DEF8: variants seen among roughly 807,000 people sequenced by gnomAD.
The protein encoded by DEF8 is DEF-8.
A neutral mutation model predicts 59.1 loss-of-function variants in DEF8; 38 were observed. The ratio of observed to expected loss-of-function variants is 0.64; its 90% CI spans 0.50 to 0.84. The LOEUF is 0.84. Among genes scored for constraint, DEF8 ranks in the 40% least tolerant of loss-of-function variants. The probability of loss-of-function intolerance (pLI) is 0.00; values close to 1 mark genes in which losing one functional copy is unlikely to be tolerated. For missense variants in DEF8, 557 were observed against 615.2 expected (o/e 0.91, Z 1.00); for synonymous variants, 265 against 250.1 (o/e 1.06, Z -0.56).
rs1453566779 is a variant in DEF8 at position 89,967,951 on chromosome 16, T to A, written c.*1988T>A. On this transcript the variant is annotated 3_prime_UTR_variant, in exon 13 of 13. Transcript: ENST00000563594. ...GGAAGAGCCCGGTGCCGCCAGCACC[T>A]TGTGGAAGACCACACATGGGTGGTC... 1 of 152,642 alleles carries A rather than the reference T, an allele frequency of 6.6e-6. No homozygotes were observed. The highest frequency in any genetic ancestry group is 1.5e-5 in the Non-Finnish European group (1 of 68,322). 9.5% of individuals were successfully genotyped at this position (152,642 alleles called of 1,614,324 possible). A position where few individuals can be genotyped will look rare whatever the true frequency, so the allele number is the denominator to read the frequency against.
intron 4 of DEF8, 44 bp from the exon 5 acceptor site, chr16:89,957,467 C>G: frequency 6.5e-7 from 1 of 1,544,360 alleles, no homozygotes. Flanking sequence ...CAGGGAGCTC[C>G]TGCAGGATGG....
chr16:89,952,837 C>T (rs1195471591), intron 2 of DEF8, among the ~76,000 whole-genome samples: 1 of 152,250 alleles, frequency 6.6e-6, no homozygotes, highest in African/African-American at 2.4e-5. Flanking sequence ...CCCACAGGCA[C>T]AACAGGCAGG....
chr16:89,964,599 C>G, intron 12 of DEF8, 24 bp downstream of exon 12: 1 of 1,528,002 alleles, frequency 6.5e-7, no homozygotes. Context: ...GGGCCCCGCA[C>G]TCGGGGGCTG....
intron 4 of DEF8, 139 bp from the exon 5 acceptor site, chr16:89,957,372 C>T (rs375968022): frequency 1.2e-5 from 11 of 943,758 alleles, no homozygotes; most frequent in Non-Finnish European, 1.4e-5. Flanking sequence ...GGAGCAAGTC[C>T]TCGGTGCCCT....
intron 12 of DEF8, 59 bp from the exon 13 acceptor site, chr16:89,965,802 G>A (rs2034561339): frequency 8.6e-6 from 10 of 1,164,310 alleles, no homozygotes; most frequent in Non-Finnish European, 1.2e-5. Flanking sequence ...TAGGACGCTT[G>A]GGGGGATTCA....
rs1157129491 is a variant in DEF8, at chr16:89,967,949, C to G, written c.*1986C>G. 1 of 152,676 alleles carries G rather than the reference C, an allele frequency of 6.5e-6. No homozygotes were observed. Among genetic ancestry groups the G allele is most frequent in the Non-Finnish European group, 1.5e-5 (1 of 68,362 alleles). 9.5% of individuals were successfully genotyped at this position (152,676 alleles called of 1,614,324 possible). A position where few individuals can be genotyped will look rare whatever the true frequency, so the allele number is the denominator to read the frequency against. On this transcript the variant is annotated 3_prime_UTR_variant, in exon 13 of 13. Transcript: ENST00000563594. ...CAGGAAGAGCCCGGTGCCGCCAGCA[C>G]CTTGTGGAAGACCACACATGGGTGG...
Position 89,961,786 on chromosome 16 carries a change from C to A in DEF8, c.729C>A (p.Tyr243Ter), listed in dbSNP as rs1413201881. 1 of 1,613,340 alleles carries A rather than the reference C, an allele frequency of 6.2e-7. No homozygotes were observed. Among genetic ancestry groups the A allele is most frequent in the East Asian group, 2.2e-5 (1 of 44,868 alleles). Reference sequence around the variant, plus strand: ...AGTGCGACTACACCGGCCAGTACTACTGCAGCCACTGCCACTGGAACGACC... The same window carrying A: ...AGTGCGACTACACCGGCCAGTACTAATGCAGCCACTGCCACTGGAACGACC... ...ARQCDYTGQYYCSHCHWNDLA... is the reference protein window; with the variant it reads ...ARQCDYTGQY Residue 243 changes from tyrosine to a stop codon, truncating the protein, a stop_gained, in exon 8 of 13, where the codon TAC becomes TAA. Transcript: ENST00000563594. LOFTEE classifies it high-confidence loss of function.
intron 7 of DEF8, 130 bp from the exon 8 acceptor site, chr16:89,961,607 C>A: frequency 8.4e-7 from 1 of 1,184,376 alleles, no homozygotes; most frequent in Non-Finnish European, 1.2e-6. Flanking sequence ...TGAGGTCTTC[C>A]GGCTGAGGAT....
intron 2 of DEF8, 120 bp downstream of exon 2, chr16:89,949,633 G>A: frequency 1.2e-6 from 2 of 1,610,578 alleles, no homozygotes; most frequent in Non-Finnish European, 1.7e-6. Flanking sequence ...GGACGCGGGA[G>A]GCCAGGTCCG....
At position 89,965,853 on chromosome 16, in the gene DEF8, G is replaced by GCCC. The variant is rs2034567186; in HGVS notation, c.1254-5_1254-3dup. 6.2e-7 allele frequency: 1 copy of GCCC among 1,607,030 alleles called. No homozygotes were observed. On this transcript the variant is annotated splice_region_variant and splice_polypyrimidine_tract_variant and intron_variant, in intron 12 of 12. Coordinates refer to ENST00000563594, the MANE Select transcript of DEF8 (RefSeq NM_001242818.2). ...GTGCAGAGAGCCCCGACCTCTTTCT[G>GCCC]CCCCCAGGGACTGCTACTACGACAA...
intron 10 of DEF8, 128 bp from the exon 11 acceptor site, chr16:89,964,042 G>C: frequency 7.7e-7 from 1 of 1,290,868 alleles, no homozygotes; most frequent in Non-Finnish European, 1.1e-6. Context: ...TTCTACTCCT[G>C]GGGCCCAGAC....
intron 2 of DEF8, among the ~76,000 whole-genome samples, chr16:89,951,525 G>A (rs866355369): frequency 4.6e-5 from 7 of 152,308 alleles, no homozygotes; most frequent in South Asian, 2.1e-4. Context: ...GATTACAGGC[G>A]TGAGCCACCG....
intron 7 of DEF8, 101 bp downstream of exon 7, chr16:89,961,196 G>A (rs1461925427): frequency 8.9e-6 from 13 of 1,461,698 alleles, no homozygotes; most frequent in South Asian, 1.3e-5. Context: ...GTTGAGTGAG[G>A]CCCTGGGGCA....
At chr16:89,956,404 G>C (rs1002437052) in intron 4 of DEF8, 1 of 151,490 alleles carries the variant, frequency 6.6e-6, no homozygotes, top group South Asian at 2.1e-4. Flanking sequence ...AGGTTGCAGT[G>C]AGCCGAGATC....
chr16:89,957,687 G>A, intron 5 of DEF8, 27 bp downstream of exon 5: 4 of 1,521,284 alleles, frequency 2.6e-6, no homozygotes, highest in Non-Finnish European at 2.7e-6. Context: ...CCCGCCGTGG[G>A]GCAGCCTGGG....
rs747401082 is a variant in DEF8 at position 89,964,513 on chromosome 16, C to T, written c.1191C>T (p.Asp397=). The T allele has an allele frequency of 7.5e-6, 12 of 1,598,650 alleles. No individual in the cohort carries two copies. Among genetic ancestry groups the T allele is most frequent in the East Asian group, 6.9e-5 (3 of 43,712 alleles). Reference sequence around the variant, plus strand: ...TGTGTGAGCTCTGCAGAGAGGGCGACGTGCTGTTCCCGTTCGACAGCCACA... The same window carrying T: ...TGTGTGAGCTCTGCAGAGAGGGCGATGTGCTGTTCCCGTTCGACAGCCACA... ...GFVCELCREG[D]VLFPFDSHTS... The change falls in exon 12 of 13, where the codon GAC becomes GAT. Residue 397 remains aspartate (D), a synonymous_variant. Coordinates refer to ENST00000563594, the MANE Select transcript of DEF8 (RefSeq NM_001242818.2).
At chr16:89,963,546 T>TTAGC in intron 10 of DEF8, 103 bp downstream of exon 10, 1 of 925,176 alleles carries the variant, frequency 1.1e-6, no homozygotes, top group Non-Finnish European at 1.7e-6. Flanking sequence ...TGGAGTGCCT[T>TTAGC]TAGCAGAGGG....
rs755452944 is a variant in DEF8 at position 89,961,034 on chromosome 16, T to C, written c.618T>C (p.Pro206=). 18 of 1,614,014 alleles carry C rather than the reference T, an allele frequency of 1.1e-5. No homozygotes were observed. In the Admixed American group the frequency reaches 2.7e-4, roughly 24 times the overall value. The change falls in exon 7 of 13, where the codon CCT becomes CCC. Residue 206 remains proline (P), a synonymous_variant. Coordinates refer to ENST00000563594, the MANE Select transcript of DEF8 (RefSeq NM_001242818.2). The part of the protein sequence containing the change: ...HQAEYELNIC[P]ETGLDSQDYR... ...CTGAATACGAACTGAACATCTGCCCTGAGACAGGGCTGGACAGCCAGGATT... is the reference window on the plus strand; with the variant it reads ...CTGAATACGAACTGAACATCTGCCCCGAGACAGGGCTGGACAGCCAGGATT...
At chr16:89,961,904 G>C in intron 8 of DEF8, 40 bp downstream of exon 8, 1 of 1,596,948 alleles carries the variant, frequency 6.3e-7, no homozygotes, top group East Asian at 2.2e-5. Context: ...TGGGGAGGGA[G>C]AGCAGGAAGG....
Sources: allele counts gnomAD v4.1 joint callset (sites outside exome capture counted in the v4.1 genomes callset), GRCh38; gene constraint gnomAD v4.1.1; transcripts MANE v1.5; gene names NCBI Gene and HGNC (gene_info 2026-07-23, HGNC 2026-07-21).